GLDC: variants seen among roughly 807,000 people sequenced by gnomAD.
GLDC encodes the protein glycine decarboxylase, also known as glycine dehydrogenase (decarboxylating), mitochondrial.
In GLDC, 104 loss-of-function variants were observed where a neutral mutation model predicts 121.3. The observed-to-expected ratio is 0.86, with a 90% CI of 0.73 to 1.01. GLDC has a LOEUF of 1.01. Among genes scored for constraint, GLDC ranks in the 50% least tolerant of loss-of-function variants. The probability of loss-of-function intolerance (pLI) is 0.00; values close to 1 mark genes in which losing one functional copy is unlikely to be tolerated. For synonymous variants in GLDC, 546 were observed against 480.6 expected (o/e 1.14, Z -1.78); for missense variants, 1,429 against 1,306.6 (o/e 1.09, Z -1.44).
At chr9:6,537,679 G>C (rs538756249) in intron 22 of GLDC, among the ~76,000 whole-genome samples, 3 of 152,228 alleles carry the variant, frequency 2.0e-5, no homozygotes, top group African/African-American at 7.2e-5. Flanking sequence ...TACTTAGAAA[G>C]CTGAGGTGGG....
rs138234646 is a variant in GLDC at position 6,619,462 on chromosome 9, T to A, written c.470+722A>T. On this transcript the variant is annotated intron_variant, in intron 3 of 24. Transcript: ENST00000321612. ...TGACAGAAGGGCCAGGCGCAGTGGC[T>A]CATGCCTGTAATCCCAGCACTTTGG... Among the ~76,000 whole-genome samples, 16 of 152,204 alleles carry A rather than the reference T, an allele frequency of 1.1e-4. No homozygotes were observed. The East Asian group carries it at 2.3e-3, about 22-fold the overall frequency.
chr9:6,566,093 A>G (rs963571049), intron 15 of GLDC, among the ~76,000 whole-genome samples: 1 of 152,166 alleles, frequency 6.6e-6, no homozygotes, highest in East Asian at 1.9e-4. Context: ...AGTACAAAAA[A>G]TTAGCCTGGT....
rs1817945471 is a variant in GLDC at position 6,570,746 on chromosome 9, C to A, written c.1851-5317G>T. Among the ~76,000 whole-genome samples the A allele has an allele frequency of 3.3e-5, 5 of 150,748 alleles. No individual in the cohort carries two copies. In the South Asian group the frequency reaches 1.0e-3, roughly 31 times the overall value. On this transcript the variant is annotated intron_variant, in intron 15 of 24. Transcript: ENST00000321612. ...GCAGGTGCCTGTAATCCTAGCTACTCAGGAGGGTGAGACAAGAGAATCACT... is the reference window on the plus strand; with the variant it reads ...GCAGGTGCCTGTAATCCTAGCTACTAAGGAGGGTGAGACAAGAGAATCACT...
At chr9:6,578,395 G>C (rs142754615) in intron 15 of GLDC, among the ~76,000 whole-genome samples, 166 of 152,210 alleles carry the variant, frequency 1.1e-3, no homozygotes, top group African/African-American at 3.8e-3. Context: ...GGGATTACAA[G>C]CATGAATCAT....
chr9:6,635,114 C>G (rs1359177873), intron 2 of GLDC, among the ~76,000 whole-genome samples: 1 of 152,206 alleles, frequency 6.6e-6, no homozygotes, highest in Non-Finnish European at 1.5e-5. Context: ...GACGAAGTCT[C>G]CATCCTATTT....
At chr9:6,541,545 G>A (rs1587912958) in intron 21 of GLDC, 2 of 152,076 alleles carry the variant, frequency 1.3e-5, no homozygotes, top group South Asian at 4.1e-4. Flanking sequence ...AGGTGGAGCT[G>A]GGCTCATTGG....
intron 11 of GLDC, chr9:6,591,825 C>G: frequency 3.1e-6 from 1 of 319,624 alleles, no homozygotes; most frequent in African/African-American, 2.1e-5. Flanking sequence ...CTCAGGTGAT[C>G]TGCCCCCCCG....
chr9:6,641,628 A>G (rs1819631357), intron 2 of GLDC, among the ~76,000 whole-genome samples: 1 of 152,240 alleles, frequency 6.6e-6, no homozygotes, highest in African/African-American at 2.4e-5. Context: ...TTTTTAAAAC[A>G]GAAGTATTAA....
chr9:6,614,125 G>A (rs1818919119), intron 3 of GLDC, among the ~76,000 whole-genome samples: 1 of 152,118 alleles, frequency 6.6e-6, no homozygotes, highest in South Asian at 2.1e-4. Context: ...ATAGTACCAT[G>A]TTCCTCTCCA....
intron 9 of GLDC, among the ~76,000 whole-genome samples, chr9:6,593,297 CTT>C (rs773281544): frequency 7.2e-6 from 1 of 138,414 alleles, no homozygotes. Context: ...AAAATTATAC[CTT>C]TTTTTTTTTG....
intron 7 of GLDC, 134 bp downstream of exon 7, chr9:6,604,454 G>T (rs1380467198): frequency 1.2e-6 from 1 of 839,782 alleles, no homozygotes; most frequent in African/African-American, 1.7e-5. Context: ...TTGTTCTTCT[G>T]AATCTATGTT....
rs569340611 is a variant in GLDC at position 6,586,402 on chromosome 9, A to C, written c.1850+739T>G. On this transcript the variant is annotated intron_variant, in intron 15 of 24. Transcript: ENST00000321612. ...GGGGCCCGGAGTTTGTATTTTTAAC[A>C]AGTGCTCAGGAGATTTTGCTGGAGG... 5.3e-5 allele frequency among the ~76,000 whole-genome samples: 8 copies of C among 152,346 alleles called. No individual in the cohort carries two copies. The East Asian group carries it at 1.5e-3, about 29-fold the overall frequency.
chr9:6,643,238 C>T (rs1001233992), intron 2 of GLDC, among the ~76,000 whole-genome samples: 12 of 151,896 alleles, frequency 7.9e-5, no homozygotes, highest in African/African-American at 2.9e-4. Flanking sequence ...TAAGGCTTCC[C>T]TCCGACCATC....
In GLDC at chr9:6,565,281, C is replaced by T. The variant is rs549818490; in HGVS notation, c.1926+73G>A. The T allele has an allele frequency of 4.3e-4, 447 of 1,044,660 alleles. 4 individuals are homozygous for T. The Admixed American group carries it at 7.4e-3, about 17-fold the overall frequency. The allele number at this position is 1,044,660 out of a possible 1,614,324, so 64.7% of individuals were successfully genotyped here. A position where few individuals can be genotyped will look rare whatever the true frequency, so the allele number is the denominator to read the frequency against. ...TCCAAGAAGGCTTGGAGGGAGTGTCCCACAGAAGGGACCCTGAGAGCCAGG... is the reference window on the plus strand; with the variant it reads ...TCCAAGAAGGCTTGGAGGGAGTGTCTCACAGAAGGGACCCTGAGAGCCAGG... On this transcript the variant is annotated intron_variant, in intron 16 of 24. Transcript: ENST00000321612.
chr9:6,566,666 C>T (rs1817860912), intron 15 of GLDC: 1 of 152,132 alleles, frequency 6.6e-6, no homozygotes, highest in East Asian at 1.9e-4. Flanking sequence ...GTTCCCAGTA[C>T]CCTGTGCAGG....
At chr9:6,597,724 C>G (rs1818518118) in intron 8 of GLDC, among the ~76,000 whole-genome samples, 1 of 152,090 alleles carries the variant, frequency 6.6e-6, no homozygotes. Flanking sequence ...ATCATGAGGT[C>G]AGGAGATCGA....
intron 15 of GLDC, among the ~76,000 whole-genome samples, chr9:6,575,674 A>C (rs1563843839): frequency 6.6e-6 from 1 of 152,240 alleles, no homozygotes; most frequent in Non-Finnish European, 1.5e-5. Flanking sequence ...AAGGACAAAA[A>C]CAACTTCCTC....
At chr9:6,626,520 G>GACCACCTACA (rs138476349) in intron 2 of GLDC, among the ~76,000 whole-genome samples, 1 of 151,954 alleles carries the variant, frequency 6.6e-6, no homozygotes, top group Admixed American at 6.6e-5. Context: ...TTTCAAGACT[G>GACCACCTACA]TGGGTCTTTA....
At chr9:6,552,055 C>T (rs1305722178) in intron 20 of GLDC, among the ~76,000 whole-genome samples, 3 of 152,116 alleles carry the variant, frequency 2.0e-5, no homozygotes, top group Non-Finnish European at 4.4e-5. Context: ...CCAGGTAAAG[C>T]AACAGGAAGC....
Sources: allele counts gnomAD v4.1 joint callset (sites outside exome capture counted in the v4.1 genomes callset), GRCh38; gene constraint gnomAD v4.1.1; transcripts MANE v1.5; gene names NCBI Gene and HGNC (gene_info 2026-07-23, HGNC 2026-07-21).